Variants in ASTN2 observed in about 807,000 individuals in gnomAD.
ASTN2 encodes astrotactin-2.
A neutral mutation model predicts 139.8 loss-of-function variants in ASTN2; 54 were observed. That is an observed-to-expected ratio of 0.39 (90% confidence interval 0.31 to 0.48). The LOEUF is 0.48. ASTN2 is among the 20% of genes least tolerant of loss of function. The pLI, the probability that ASTN2 is intolerant of heterozygous loss-of-function variation, is 0.95. For missense variants in ASTN2, 1,565 were observed against 1,725.1 expected, an observed-to-expected ratio of 0.91 and a Z score of 1.64; for synonymous variants, 756 against 719.5, an observed-to-expected ratio of 1.05 and a Z score of -0.81.
chr9:117,065,292 G>C (rs900565545), intron 5 of ASTN2, among the ~76,000 whole-genome samples: 3 of 152,186 alleles, frequency 2.0e-5, no homozygotes, highest in Non-Finnish European at 4.4e-5. Flanking sequence ...AAGCCACCAA[G>C]TTTTGGTAAT....
intron 2 of ASTN2, among the ~76,000 whole-genome samples, chr9:117,221,709 TGGC>T (rs1832524729): frequency 6.6e-6 from 1 of 152,168 alleles, no homozygotes; most frequent in Admixed American, 6.5e-5. Context: ...GGCCTTCTCT[TGGC>T]CACTTGCCTA....
At chr9:116,622,737 G>C (rs1856226684) in intron 17 of ASTN2, among the ~76,000 whole-genome samples, 1 of 152,178 alleles carries the variant, frequency 6.6e-6, no homozygotes, top group Non-Finnish European at 1.5e-5. Flanking sequence ...TCAAATTCCA[G>C]GCAACATTTT....
At chr9:116,813,702 A>C (rs760685421) in intron 12 of ASTN2, among the ~76,000 whole-genome samples, 6 of 152,170 alleles carry the variant, frequency 3.9e-5, no homozygotes, top group Non-Finnish European at 7.3e-5. Context: ...CATATCCTAG[A>C]AACTTTTTGA....
At chr9:116,567,357 C>T (rs73655409) in intron 19 of ASTN2, among the ~76,000 whole-genome samples, 24,171 of 152,174 alleles carry the variant, frequency 0.16, 2,090 homozygotes, top group African/African-American at 0.21. Flanking sequence ...CTGGGTGGCA[C>T]CCTTGACAGC....
intron 20 of ASTN2, among the ~76,000 whole-genome samples, chr9:116,459,599 T>C (rs1848425999): frequency 6.6e-6 from 1 of 152,006 alleles, no homozygotes; most frequent in Non-Finnish European, 1.5e-5. Context: ...ACAAAAGATT[T>C]AGACATTTCT....
At chr9:116,876,381 C>T (rs759764911) in intron 10 of ASTN2, among the ~76,000 whole-genome samples, 5 of 152,140 alleles carry the variant, frequency 3.3e-5, no homozygotes, top group Non-Finnish European at 5.9e-5. Context: ...GTAAACTACT[C>T]GTGGTGAAGA....
chr9:117,198,583 A>G (rs1158078366), intron 3 of ASTN2, among the ~76,000 whole-genome samples: 1 of 152,188 alleles, frequency 6.6e-6, no homozygotes, highest in Admixed American at 6.5e-5. Flanking sequence ...GCTATTACAA[A>G]TAGTGCTGCA....
intron 19 of ASTN2, chr9:116,610,781 T>C (rs1248099535): frequency 6.6e-6 from 1 of 152,146 alleles, no homozygotes; most frequent in Non-Finnish European, 1.5e-5. Flanking sequence ...TAAATGTTTA[T>C]GAACTTAAAT....
In ASTN2 at chr9:116,854,803, C is replaced by T. The variant is rs138748990; in HGVS notation, c.2040+8780G>A. ...AGTAGCTGGGACTATAGGAGCCTGCCACCACGCTCTGCTAATTTTTTTGTA... is the reference window on the plus strand; with the variant it reads ...AGTAGCTGGGACTATAGGAGCCTGCTACCACGCTCTGCTAATTTTTTTGTA... On this transcript the variant is annotated intron_variant, in intron 11 of 22. Coordinates refer to ENST00000313400, the MANE Select transcript of ASTN2 (RefSeq NM_001365068.1). 6.0e-3 allele frequency among the ~76,000 whole-genome samples: 917 copies of T among 152,084 alleles called. 8 individuals are homozygous for T. Among genetic ancestry groups the T allele is most frequent in the African/African-American group, 0.021 (863 of 41,466 alleles).
intron 1 of ASTN2, among the ~76,000 whole-genome samples, chr9:117,292,561 C>T (rs1834620569): frequency 6.6e-6 from 1 of 152,134 alleles, no homozygotes; most frequent in Non-Finnish European, 1.5e-5. Context: ...AAACAGGAGA[C>T]AAATAGCCTT....
intron 12 of ASTN2, among the ~76,000 whole-genome samples, chr9:116,810,540 C>T (rs1210106999): frequency 1.1e-4 from 17 of 152,116 alleles, no homozygotes; most frequent in Non-Finnish European, 1.0e-4. Flanking sequence ...TTTATGCTTT[C>T]TTTTATGTTT....
chr9:117,039,054 T>TG (rs1838475656), intron 6 of ASTN2, among the ~76,000 whole-genome samples: 2 of 152,296 alleles, frequency 1.3e-5, no homozygotes, highest in South Asian at 4.1e-4. Flanking sequence ...AAATACTCTT[T>TG]GGGGGGCATT....
chr9:117,221,229 A>G (rs80299975), intron 2 of ASTN2, among the ~76,000 whole-genome samples: 2,638 of 152,198 alleles, frequency 0.017, 83 homozygotes, highest in African/African-American at 0.061. Context: ...TTTCTTACGT[A>G]CACAACCTCA....
chr9:116,457,878 T>G (rs1441409998), intron 20 of ASTN2, among the ~76,000 whole-genome samples: 1 of 152,074 alleles, frequency 6.6e-6, no homozygotes, highest in African/African-American at 2.4e-5. Flanking sequence ...GAAATCAGTA[T>G]ATTGAAGAGA....
chr9:117,120,661 TG>T (rs1490718881), intron 4 of ASTN2, among the ~76,000 whole-genome samples: 1 of 152,184 alleles, frequency 6.6e-6, no homozygotes, highest in Non-Finnish European at 1.5e-5. Flanking sequence ...CAGCCATACT[TG>T]GTGGCTGGAA....
chr9:117,358,444 CA>C (rs1829604575), intron 1 of ASTN2, among the ~76,000 whole-genome samples: 1 of 152,102 alleles, frequency 6.6e-6, no homozygotes, highest in Non-Finnish European at 1.5e-5. Flanking sequence ...CCTAAGGTTG[CA>C]AACTCTGATT....
chr9:116,520,980 C>T (rs913329679), intron 19 of ASTN2, among the ~76,000 whole-genome samples: 3 of 152,012 alleles, frequency 2.0e-5, no homozygotes, highest in African/African-American at 7.2e-5. Flanking sequence ...TGGAAAACTA[C>T]AAAACACTGC....
At chr9:116,957,098 A>G (rs1355379916) in intron 10 of ASTN2, among the ~76,000 whole-genome samples, 1 of 148,844 alleles carries the variant, frequency 6.7e-6, no homozygotes, top group Non-Finnish European at 1.5e-5. Context: ...CAAAATTCAT[A>G]TGAAAATACA....
intron 20 of ASTN2, among the ~76,000 whole-genome samples, chr9:116,469,142 A>G (rs572913325): frequency 2.0e-5 from 3 of 152,340 alleles, no homozygotes. Flanking sequence ...GCTGAGTTGT[A>G]CAGAGAAAAA....
Sources: allele counts gnomAD v4.1 joint callset (sites outside exome capture counted in the v4.1 genomes callset), GRCh38; gene constraint gnomAD v4.1.1; transcripts MANE v1.5; gene names NCBI Gene and HGNC (gene_info 2026-07-23, HGNC 2026-07-21).